Variants in ATP11B observed in about 807,000 individuals in gnomAD.
ATP11B encodes ATPase phospholipid transporting 11B (putative).
ATP11B carries 81 observed loss-of-function variants against 157.8 expected under a neutral mutation model. The observed-to-expected ratio is 0.51, with a 90% CI of 0.43 to 0.62. The LOEUF is 0.62. Among genes scored for constraint, ATP11B ranks in the 20% least tolerant of loss-of-function variants. The probability of loss-of-function intolerance (pLI) is 0.00; values close to 1 mark genes in which losing one functional copy is unlikely to be tolerated. For synonymous variants in ATP11B, 451 were observed against 469.4 expected, an observed-to-expected ratio of 0.96 and a Z score of 0.51; for missense variants, 1,165 against 1,402.2, an observed-to-expected ratio of 0.83 and a Z score of 2.70.
chr3:182,884,943 A>G (rs1722698921), intron 22 of ATP11B, 45 bp downstream of exon 22: 3 of 1,118,576 alleles, frequency 2.7e-6, no homozygotes, highest in Non-Finnish European at 3.8e-6. Flanking sequence ...TAGTAATATG[A>G]AGTTTCAATT....
intron 12 of ATP11B, among the ~76,000 whole-genome samples, chr3:182,864,480 A>G (rs1460680905): frequency 6.6e-6 from 1 of 152,108 alleles, no homozygotes; most frequent in African/African-American, 2.4e-5. Context: ...ATTTTTATCA[A>G]ATGCTTTTTC....
At chr3:182,874,384 A>C (rs1721880368) in intron 19 of ATP11B, among the ~76,000 whole-genome samples, 1 of 152,214 alleles carries the variant, frequency 6.6e-6, no homozygotes, top group South Asian at 2.1e-4. Context: ...AGTGAGATAC[A>C]TATAATGTGA....
intron 1 of ATP11B, among the ~76,000 whole-genome samples, chr3:182,798,212 ATATCT>A (rs1298377880): frequency 6.6e-6 from 1 of 152,208 alleles, no homozygotes; most frequent in African/African-American, 2.4e-5. Flanking sequence ...TAGACTGTAA[ATATCT>A]TAGGATAAGA....
chr3:182,914,602 A>G (rs1200119625), intron 29 of ATP11B: 2 of 985,174 alleles, frequency 2.0e-6, no homozygotes, highest in Non-Finnish European at 2.4e-6. Flanking sequence ...TGTATGAGTT[A>G]GAACAGGCTT....
At chr3:182,857,664 A>G (rs1022278266) in intron 10 of ATP11B, among the ~76,000 whole-genome samples, 2 of 152,146 alleles carry the variant, frequency 1.3e-5, no homozygotes, top group African/African-American at 4.8e-5. Context: ...TATATTAAAT[A>G]GGCTTGTAAC....
intron 28 of ATP11B, among the ~76,000 whole-genome samples, chr3:182,904,888 T>TAAA (rs1004716420): frequency 8.8e-5 from 9 of 101,884 alleles, no homozygotes; most frequent in African/African-American, 1.2e-4. Flanking sequence ...GACTTCTTCT[T>TAAA]AAAAAAAAAA....
At chr3:182,836,740 T>C in intron 6 of ATP11B, 1 of 487,428 alleles carries the variant, frequency 2.1e-6, no homozygotes, top group Middle Eastern at 5.5e-4. Flanking sequence ...TTTTAAAAGA[T>C]AAGGGACAAA....
Position 182,820,256 on chromosome 3 carries a change from T to G in ATP11B, c.28-4T>G. On this transcript the variant is annotated splice_polypyrimidine_tract_variant and splice_region_variant and intron_variant, in intron 1 of 29. Transcript: ENST00000323116. ...TTCTTTTTCTCTTGCTTGATTGGTC[T>G]TAGGGTTTTGACCCACCACATCAGA... 6.2e-7 allele frequency: 1 copy of G among 1,600,970 alleles called. No individual in the cohort carries two copies. Among genetic ancestry groups the G allele is most frequent in the South Asian group, 1.1e-5 (1 of 90,780 alleles).
chr3:182,870,280 A>G (rs1243016542), intron 17 of ATP11B, among the ~76,000 whole-genome samples: 3 of 152,256 alleles, frequency 2.0e-5, no homozygotes, highest in Non-Finnish European at 4.4e-5. Context: ...AAGAGCCATC[A>G]TTCATGTAAA....
chr3:182,880,797 A>G (rs963140989), intron 20 of ATP11B, 82 bp from the exon 21 acceptor site: 7 of 760,124 alleles, frequency 9.2e-6, no homozygotes, highest in South Asian at 2.5e-5. Flanking sequence ...TGTTCTTACT[A>G]TAGTCATTTC....
intron 1 of ATP11B, among the ~76,000 whole-genome samples, chr3:182,817,889 C>T (rs749641859): frequency 6.6e-6 from 1 of 151,954 alleles, no homozygotes; most frequent in African/African-American, 2.4e-5. Context: ...TTCTCAGTCT[C>T]AGTTGTCTTG....
intron 15 of ATP11B, among the ~76,000 whole-genome samples, chr3:182,868,640 G>GTGTA (rs1721419687): frequency 6.6e-6 from 1 of 152,074 alleles, no homozygotes; most frequent in South Asian, 2.1e-4. Context: ...TGTTTGTCAG[G>GTGTA]TGTATTAGGA....
Position 182,920,069 on chromosome 3 carries a change from A to G in ATP11B, c.*1965A>G, listed in dbSNP as rs1725370000. ...AAATGACACCCAGTAGGCCTGCATT[A>G]CATTTACATGACCGTGTTTATTTGC... On this transcript the variant is annotated 3_prime_UTR_variant, in exon 30 of 30. Coordinates refer to ENST00000323116, the MANE Select transcript of ATP11B (RefSeq NM_014616.3). 1 of 152,194 alleles carries G rather than the reference A, an allele frequency of 6.6e-6. No individual in the cohort carries two copies. The highest frequency in any genetic ancestry group is 1.5e-5 in the Non-Finnish European group (1 of 68,040). The allele number at this position is 152,194 out of a possible 1,614,324, so 9.4% of individuals were successfully genotyped here.
rs775395391 is a variant in ATP11B, at chr3:182,918,433, AAGAG to A, written c.*333_*336del. On this transcript the variant is annotated 3_prime_UTR_variant, in exon 30 of 30. Coordinates refer to ENST00000323116, the MANE Select transcript of ATP11B (RefSeq NM_014616.3). Reference sequence around the variant, plus strand: ...TATATTTTAATATAAATGTAGAAAAAAGAGAGAAATCTTAGTAAAGAGTATTTTT... The same window carrying A: ...TATATTTTAATATAAATGTAGAAAAAAGAAATCTTAGTAAAGAGTATTTTT... The A allele has an allele frequency of 8.3e-5, 33 of 398,872 alleles. 1 individual carries two copies. Among genetic ancestry groups the A allele is most frequent in the African/African-American group, 2.1e-4 (10 of 48,594 alleles). The allele number at this position is 398,872 out of a possible 1,614,324, so 24.7% of individuals were successfully genotyped here. A position where few individuals can be genotyped will look rare whatever the true frequency, so the allele number is the denominator to read the frequency against.
chr3:182,814,757 G>A (rs928055657), intron 1 of ATP11B, among the ~76,000 whole-genome samples: 1 of 152,144 alleles, frequency 6.6e-6, no homozygotes, highest in Non-Finnish European at 1.5e-5. Flanking sequence ...GCAGTGAGCC[G>A]TGAATACACC....
intron 5 of ATP11B, 90 bp from the exon 6 acceptor site, chr3:182,836,252 C>T: frequency 6.4e-7 from 1 of 1,565,258 alleles, no homozygotes; most frequent in Non-Finnish European, 8.7e-7. Context: ...TGCTAAAATA[C>T]TGTGATAGGC....
At chr3:182,853,535 GAAAATGAAATTTTT>G (rs1489006545) in intron 10 of ATP11B, among the ~76,000 whole-genome samples, 1 of 151,986 alleles carries the variant, frequency 6.6e-6, no homozygotes, top group East Asian at 1.9e-4. Context: ...AAACAGTTAA[GAAAATGAAATTTTT>G]AAAAGGTTAT....
intron 8 of ATP11B, among the ~76,000 whole-genome samples, chr3:182,845,009 T>TTTTTTTTTTTTTTTTTTGTTTTA (rs1560081876): frequency 8.9e-6 from 1 of 112,090 alleles, no homozygotes; most frequent in Non-Finnish European, 1.7e-5. Flanking sequence ...TTTTTTTATT[T>TTTTTTTTTTTTTTTTTTGTTTTA]TTTTTTATTT....
At chr3:182,861,359 C>G (rs1359653347) in intron 12 of ATP11B, among the ~76,000 whole-genome samples, 1 of 152,086 alleles carries the variant, frequency 6.6e-6, no homozygotes, top group Non-Finnish European at 1.5e-5. Context: ...GCCACTGTGC[C>G]CAGCCTAATA....
Sources: allele counts gnomAD v4.1 joint callset (sites outside exome capture counted in the v4.1 genomes callset), GRCh38; gene constraint gnomAD v4.1.1; transcripts MANE v1.5; gene names NCBI Gene and HGNC (gene_info 2026-07-23, HGNC 2026-07-21).